FSHR: variants seen among roughly 807,000 people sequenced by gnomAD.
FSHR encodes follicle-stimulating hormone receptor.
Under a neutral mutation model 52.1 loss-of-function variants are expected in FSHR, and 46 were observed. The observed-to-expected ratio is 0.88, with a 90% CI of 0.70 to 1.13. The LOEUF is 1.13. FSHR is among the 50% of genes most tolerant of loss of function. The pLI, the probability that FSHR is intolerant of heterozygous loss-of-function variation, is 0.00. For missense variants in FSHR, 964 were observed against 834.6 expected (o/e 1.16, Z -1.91); for synonymous variants, 399 against 309.6 (o/e 1.29, Z -3.03).
chr2:49,024,562 A>G (rs1226228758), intron 2 of FSHR, among the ~76,000 whole-genome samples: 1 of 152,140 alleles, frequency 6.6e-6, no homozygotes, highest in African/African-American at 2.4e-5. Flanking sequence ...TAAATAATAT[A>G]TCCCTGAAAT....
chr2:48,999,124 C>T (rs1676149079), intron 4 of FSHR, among the ~76,000 whole-genome samples: 1 of 151,912 alleles, frequency 6.6e-6, no homozygotes, highest in Admixed American at 6.6e-5. Flanking sequence ...TGAAGAGCTG[C>T]CAGGTGGAAA....
rs1390825860 is a variant in FSHR, at chr2:49,017,571, A to G, written c.300-8T>C. 2.5e-6 allele frequency: 4 copies of G among 1,607,666 alleles called. No individual in the cohort carries two copies. The highest frequency in any genetic ancestry group is 3.4e-6 in the Non-Finnish European group (4 of 1,174,576). On this transcript the variant is annotated splice_region_variant and splice_polypyrimidine_tract_variant and intron_variant, in intron 3 of 9. Coordinates refer to ENST00000406846, the MANE Select transcript of FSHR (RefSeq NM_000145.4). ...TTGGCCTTTTCAATTCTACTGTAAA[A>G]GAAGAAAAAACATGCTAGTGATCTT... is the stretch of plus-strand genomic sequence containing the variant.
intron 6 of FSHR, among the ~76,000 whole-genome samples, chr2:48,984,640 G>T (rs1675407594): frequency 6.6e-6 from 1 of 151,602 alleles, no homozygotes; most frequent in South Asian, 2.1e-4. Flanking sequence ...TTTAGTGGGG[G>T]ATAACATTTT....
chr2:49,122,672 C>T (rs1671859438), intron 1 of FSHR, among the ~76,000 whole-genome samples: 1 of 152,176 alleles, frequency 6.6e-6, no homozygotes, highest in Non-Finnish European at 1.5e-5. Context: ...AACATGATTT[C>T]CAACTCCTAC....
chr2:49,129,252 A>G (rs556135510), intron 1 of FSHR, among the ~76,000 whole-genome samples: 1 of 152,032 alleles, frequency 6.6e-6, no homozygotes, highest in Non-Finnish European at 1.5e-5. Context: ...GTCACCCATC[A>G]ACACCTATTG....
At chr2:48,995,104 G>A (rs1675962731) in intron 4 of FSHR, among the ~76,000 whole-genome samples, 1 of 152,088 alleles carries the variant, frequency 6.6e-6, no homozygotes, top group Admixed American at 6.6e-5. Flanking sequence ...TAGTGTTGAT[G>A]GGCTCTTATT....
intron 1 of FSHR, among the ~76,000 whole-genome samples, chr2:49,145,488 A>G (rs1280265664): frequency 6.6e-6 from 1 of 152,092 alleles, no homozygotes; most frequent in East Asian, 1.9e-4. Flanking sequence ...TAGATGGGAC[A>G]GGCCAATGGC....
intron 9 of FSHR, 89 bp from the exon 10 acceptor site, chr2:48,964,055 G>C (rs1674362399): frequency 7.4e-7 from 1 of 1,355,652 alleles, no homozygotes; most frequent in Non-Finnish European, 1.0e-6. Flanking sequence ...GAAATGATGA[G>C]TTTCTTCCTG....
At chr2:49,043,309 G>C (rs1668545909) in intron 2 of FSHR, among the ~76,000 whole-genome samples, 1 of 151,842 alleles carries the variant, frequency 6.6e-6, no homozygotes, top group African/African-American at 2.4e-5. Flanking sequence ...GTGGGGTAGT[G>C]GTGTGCACAT....
At chr2:49,022,173 G>A (rs933550709) in intron 2 of FSHR, among the ~76,000 whole-genome samples, 1 of 151,968 alleles carries the variant, frequency 6.6e-6, no homozygotes, top group Non-Finnish European at 1.5e-5. Flanking sequence ...TTCACTAGCA[G>A]TTAGCAGTAC....
chr2:49,033,054 A>G (rs990712397), intron 2 of FSHR, among the ~76,000 whole-genome samples: 4 of 152,200 alleles, frequency 2.6e-5, no homozygotes, highest in African/African-American at 9.7e-5. Flanking sequence ...GTCACCAACC[A>G]CAAGCAATTT....
intron 2 of FSHR, among the ~76,000 whole-genome samples, chr2:49,045,355 T>A (rs1282947182): frequency 6.6e-6 from 1 of 152,172 alleles, no homozygotes; most frequent in Non-Finnish European, 1.5e-5. Flanking sequence ...CTCTCCACAG[T>A]AGTTAGATCC....
intron 1 of FSHR, among the ~76,000 whole-genome samples, chr2:49,099,164 A>C (rs1670935205): frequency 6.6e-6 from 1 of 152,008 alleles, no homozygotes; most frequent in Admixed American, 6.6e-5. Context: ...TTCCTACCCA[A>C]ATCTCATCTT....
chr2:48,990,693 G>A (rs1675731115), intron 4 of FSHR, 56 bp from the exon 5 acceptor site: 1 of 1,025,010 alleles, frequency 9.8e-7, no homozygotes, highest in Non-Finnish European at 1.6e-6. Flanking sequence ...TTAAACAGTT[G>A]TTAGAGCATG....
At chr2:49,134,504 T>G (rs1447615327) in intron 1 of FSHR, among the ~76,000 whole-genome samples, 2 of 152,226 alleles carry the variant, frequency 1.3e-5, no homozygotes, top group Non-Finnish European at 2.9e-5. Context: ...GAAGACAGTG[T>G]GGTGATTCCT....
intron 1 of FSHR, among the ~76,000 whole-genome samples, chr2:49,129,983 GTT>G (rs962329254): frequency 6.6e-5 from 10 of 152,076 alleles, no homozygotes; most frequent in African/African-American, 2.4e-4. Flanking sequence ...GTTTTATTTT[GTT>G]TTGTTTTAAA....
At chr2:49,088,631 A>G (rs1670488071) in intron 1 of FSHR, among the ~76,000 whole-genome samples, 1 of 152,154 alleles carries the variant, frequency 6.6e-6, no homozygotes, top group Non-Finnish European at 1.5e-5. Flanking sequence ...GTTAATATCC[A>G]CCTGATTTAA....
intron 1 of FSHR, among the ~76,000 whole-genome samples, chr2:49,120,284 A>G (rs1339589707): frequency 6.6e-6 from 1 of 152,162 alleles, no homozygotes; most frequent in African/African-American, 2.4e-5. Context: ...CAAAAAAACA[A>G]AAAGGAAAGG....
chr2:48,984,852 A>G (rs1192786455), intron 6 of FSHR, among the ~76,000 whole-genome samples: 2 of 152,218 alleles, frequency 1.3e-5, no homozygotes, highest in East Asian at 3.8e-4. Context: ...CTAATTTTAA[A>G]TAATTATTGT....
Sources: gnomAD v4.1 joint callset for allele counts (sites outside exome capture counted in the v4.1 genomes callset) on GRCh38, gnomAD v4.1.1 for gene constraint, MANE v1.5 for transcripts, NCBI Gene and HGNC (gene_info 2026-07-23, HGNC 2026-07-21) for gene names.